LAMB2: variants seen among roughly 807,000 people sequenced by gnomAD.
The protein encoded by LAMB2 is laminin subunit beta 2.
A neutral mutation model predicts 202.7 loss-of-function variants in LAMB2; 119 were observed. That is an observed-to-expected ratio of 0.59 (90% CI 0.51 to 0.68). The LOEUF (loss-of-function observed/expected upper bound fraction) is 0.68, where lower values mean the gene tolerates loss of function less well. Ranked by LOEUF, LAMB2 falls within the 30% of genes least tolerant of loss-of-function variation. The pLI is 0.00. For synonymous variants in LAMB2, 818 were observed against 902.2 expected (o/e 0.91, Z 1.67); for missense variants, 2,124 against 2,410.6 (o/e 0.88, Z 2.49).
chr3:49,132,841 C>G lies in LAMB2; in HGVS notation c.27G>C (p.Gly9=). 1 of 1,614,168 alleles carries G rather than the reference C, an allele frequency of 6.2e-7. No individual in the cohort carries two copies. The highest frequency in any genetic ancestry group is 1.1e-5 in the South Asian group (1 of 91,088). Reference sequence around the variant, plus strand: ...GTTCCCAGGGCAGAGGCTGTCCCCTCCCTCTTTCCCTTGAGGTCAGCTCCA... The same window carrying G: ...GTTCCCAGGGCAGAGGCTGTCCCCTGCCTCTTTCCCTTGAGGTCAGCTCCA... MELTSRER[G]RGQPLPWELR... The change falls in exon 1 of 32, where the codon GGG becomes GGC. Residue 9 remains glycine (G), a synonymous_variant. Transcript: ENST00000305544. The surrounding 1 kb of genome is among the most constrained non-coding windows in gnomAD (Gnocchi z 4.6).
intron 18 of LAMB2, 74 bp downstream of exon 18, chr3:49,125,673 G>T: frequency 6.3e-7 from 1 of 1,577,374 alleles, no homozygotes; most frequent in Non-Finnish European, 8.6e-7. Flanking sequence ...CCAGCAGCAG[G>T]TCCAGAAGGA....
Position 49,129,423 on chromosome 3 carries a change from T to A in LAMB2, c.1519-99A>T. 8.3e-7 allele frequency: 1 copy of A among 1,207,148 alleles called. No homozygotes were observed. The highest frequency in any genetic ancestry group is 1.3e-5 in the South Asian group (1 of 77,746). 74.8% of individuals were successfully genotyped at this position (1,207,148 alleles called of 1,614,324 possible). The stretch of plus-strand genomic sequence containing the variant: ...CACACGTCTTAGCCTCAATCACCCC[T>A]CAGTGAAAACATGCCCCCCAGACCA... On this transcript the variant is annotated intron_variant, in intron 11 of 31. Transcript: ENST00000305544. This position sits in a 1 kb window ranked among gnomAD's most constrained non-coding sequence, Gnocchi z 6.1.
rs547577165 is a variant in LAMB2, at chr3:49,121,115, G to A, written c.*111C>T. Reference sequence around the variant, plus strand: ...CAAATCAGAGTCCAGACAACACAGTGGGGGTTCACACTGGTTTATTGGGGG... The same window carrying A: ...CAAATCAGAGTCCAGACAACACAGTAGGGGTTCACACTGGTTTATTGGGGG... On this transcript the variant is annotated 3_prime_UTR_variant, in exon 32 of 32. Coordinates refer to ENST00000305544, the MANE Select transcript of LAMB2 (RefSeq NM_002292.4). 3.8e-6 allele frequency: 5 copies of A among 1,304,348 alleles called. No individual in the cohort carries two copies. The highest frequency in any genetic ancestry group is 5.4e-6 in the Non-Finnish European group (5 of 930,446). The allele number at this position is 1,304,348 out of a possible 1,614,324, so 80.8% of individuals were successfully genotyped here. A position where few individuals can be genotyped will look rare whatever the true frequency, so the allele number is the denominator to read the frequency against.
chr3:49,128,696 T>C lies in LAMB2; in HGVS notation c.1855A>G (p.Met619Val), dbSNP rs367670275. 13 of 1,614,058 alleles carry C rather than the reference T, an allele frequency of 8.1e-6. No homozygotes were observed. In the African/African-American group the frequency reaches 1.7e-4, roughly 22 times the overall value. Residue 619 changes from methionine to valine, a missense_variant, in exon 14 of 32, where the codon ATG becomes GTG. Met to Val is a conservative substitution (Grantham distance 21). This residue lies in a region of LAMB2 where 1,702 missense variants were observed against 1,896.3 expected (regional missense o/e 0.90). Coordinates refer to ENST00000305544, the MANE Select transcript of LAMB2 (RefSeq NM_002292.4). ...AAGCGCAGCAGCAGGTCATAGTCCA[T>C]AGCCTTCGGCACAGAGGCCACCAGG... ...EFLVASVPKA[M>V]DYDLLLRLEP... is the part of the protein sequence containing the mutation.
Position 49,122,032 on chromosome 3 carries a change from T to G in LAMB2, c.4835A>C (p.Glu1612Ala), listed in dbSNP as rs912058337. The change falls in exon 29 of 32, where the codon GAG (glutamate) becomes GCG (alanine). Residue 1612 changes from glutamate to alanine, a missense_variant. Coordinates refer to ENST00000305544, the MANE Select transcript of LAMB2 (RefSeq NM_002292.4). ...AATACCCTGTGCCCGCTGGGCCTCC[T>G]CCAGTGCTGCCTGTACTGTCTCTGC... is the stretch of plus-strand genomic sequence containing the variant. ...QKAETVQAAL[E>A]EAQRAQGIAQ... The G allele has an allele frequency of 6.2e-7, 1 of 1,613,756 alleles. No individual in the cohort carries two copies. The highest frequency in any genetic ancestry group is 1.6e-4 in the Middle Eastern group (1 of 6,062).
In LAMB2 at chr3:49,121,761, C is replaced by T. The variant is rs2045266657; in HGVS notation, c.5023G>A (p.Ala1675Thr). ...ALLEALKLKR[A>T]GNSLAASTAE... The stretch of plus-strand genomic sequence containing the variant: ...GTAGAGGCTGCCAGACTATTTCCTG[C>T]CCGTTTCAATTTCAGAGCCTCCAGG... The change falls in exon 30 of 32, where the codon GCA becomes ACA. Residue 1675 changes from alanine (A) to threonine (T), a missense_variant. Ala to Thr is a moderately conservative substitution (Grantham distance 58). Around this residue, in one of 3 missense-constraint regions of LAMB2, gnomAD observed 1,702 missense variants for 1,896.3 expected, o/e 0.90. Coordinates refer to ENST00000305544, the MANE Select transcript of LAMB2 (RefSeq NM_002292.4). 2 of 1,613,716 alleles carry T rather than the reference C, an allele frequency of 1.2e-6. No homozygotes were observed. The highest frequency in any genetic ancestry group is 2.2e-5 in the East Asian group (1 of 44,874).
rs1271985841 is a variant in LAMB2 at position 49,121,841 on chromosome 3, C to T, written c.4943G>A (p.Gly1648Asp). 1 of 1,613,136 alleles carries T rather than the reference C, an allele frequency of 6.2e-7. No homozygotes were observed. Among genetic ancestry groups the T allele is most frequent in the Admixed American group, 1.7e-5 (1 of 60,034 alleles). ...TLYQVQERMA[G>D]AERALSSAGE... ...TGCAGAGCTCAGTGCCCGCTCTGCA[C>T]CTGCCATCCTCTCCTGTACCTGCCA... Residue 1648 changes from glycine to aspartate, a missense_variant, in exon 30 of 32, where the codon GGT becomes GAT. Physicochemically the swap from Gly to Asp is moderately conservative, Grantham distance 94. Coordinates refer to ENST00000305544, the MANE Select transcript of LAMB2 (RefSeq NM_002292.4).
In LAMB2 at chr3:49,133,032, G is replaced by A. The variant is rs2045499084; in HGVS notation, c.-165C>T. The A allele has an allele frequency of 7.8e-6, 5 of 639,444 alleles. No individual in the cohort carries two copies. Among genetic ancestry groups the A allele is most frequent in the Non-Finnish European group, 1.4e-5 (5 of 359,402 alleles). 39.6% of individuals were successfully genotyped at this position (639,444 alleles called of 1,614,324 possible). On this transcript the variant is annotated 5_prime_UTR_variant, in exon 1 of 32. Coordinates refer to ENST00000305544, the MANE Select transcript of LAMB2 (RefSeq NM_002292.4). ...GTCCAGCGGTCCCTCCGACAGCTTA[G>A]AGTCCAGCGACTTTGAGCAAAGTTG... is the stretch of plus-strand genomic sequence containing the variant.
chr3:49,132,286 C>A lies in LAMB2; in HGVS notation c.369G>T (p.Trp123Cys). The A allele has an allele frequency of 6.2e-7, 1 of 1,614,244 alleles. No homozygotes were observed. Among genetic ancestry groups the A allele is most frequent in the Non-Finnish European group, 8.5e-7 (1 of 1,180,056 alleles). Reference protein sequence around the residue: ...TSFAPQRRAAWWQSENGIPAV... With the variant: ...TSFAPQRRAACWQSENGIPAV... Reference sequence around the variant, plus strand: ...TGGCCTCACCATTCTCTGACTGCCACCAGGCTGCCCGCCGCTGTGGTGCAA... The same window carrying A: ...TGGCCTCACCATTCTCTGACTGCCAACAGGCTGCCCGCCGCTGTGGTGCAA... Residue 123 changes from tryptophan to cysteine, a missense_variant, in exon 3 of 32, where the codon TGG becomes TGT. By Grantham distance (215) the Trp-to-Cys change is radical. Around this residue, in one of 3 missense-constraint regions of LAMB2, gnomAD observed 166 missense variants for 158.2 expected, o/e 1.05. Transcript: ENST00000305544. The surrounding 1 kb of genome is among the most constrained non-coding windows in gnomAD (Gnocchi z 4.6).
At position 49,126,166 on chromosome 3, in the gene LAMB2, G is replaced by A; in HGVS notation, c.2152-7C>T. ...CACGGGGCAGCAGCACCAGCTGAAG[G>A]AGTGAGCAAGGAAGATCGCAGTTCA... On this transcript the variant is annotated splice_polypyrimidine_tract_variant and splice_region_variant and intron_variant, in intron 16 of 31. Coordinates refer to ENST00000305544, the MANE Select transcript of LAMB2 (RefSeq NM_002292.4). 1 of 1,611,596 alleles carries A rather than the reference G, an allele frequency of 6.2e-7. No individual in the cohort carries two copies. Among genetic ancestry groups the A allele is most frequent in the South Asian group, 1.1e-5 (1 of 91,056 alleles).
chr3:49,128,747 G>A lies in LAMB2; in HGVS notation c.1804C>T (p.Leu602=). 6.2e-7 allele frequency: 1 copy of A among 1,614,160 alleles called. No individual in the cohort carries two copies. The highest frequency in any genetic ancestry group is 8.5e-7 in the Non-Finnish European group (1 of 1,180,040). ...PSWTGSGFVR[L]QEGQTLEFLV... ...AACTCCAGGGTCTGACCTTCCTGTA[G>A]CCGCACGAAGCCTGAGCCAGTCCAG... Residue 602 remains leucine, a synonymous_variant, in exon 14 of 32, where the codon CTA becomes TTA. Coordinates refer to ENST00000305544, the MANE Select transcript of LAMB2 (RefSeq NM_002292.4).
chr3:49,121,445 G>A lies in LAMB2; in HGVS notation c.5248C>T (p.Gln1750Ter). The A allele has an allele frequency of 6.2e-7, 1 of 1,614,060 alleles. No homozygotes were observed. The highest frequency in any genetic ancestry group is 8.5e-7 in the Non-Finnish European group (1 of 1,180,038). Reference sequence around the variant, plus strand: ...CCCCATTTCTTACCCTGTAGCCGCTGCAGCTTGTCCTGAGCGGCTTGCAAC... The same window carrying A: ...CCCCATTTCTTACCCTGTAGCCGCTACAGCTTGTCCTGAGCGGCTTGCAAC... ...DLLQAAQDKL[Q>*]RLQELEGTYE... The change falls in exon 31 of 32, where the codon CAG becomes TAG. Residue 1750 changes from glutamine (Q) to a stop codon, truncating the protein, a stop_gained. Coordinates refer to ENST00000305544, the MANE Select transcript of LAMB2 (RefSeq NM_002292.4). LOFTEE classifies it high-confidence loss of function.
chr3:49,130,299 C>A lies in LAMB2; in HGVS notation c.1157G>T (p.Cys386Phe). 6.2e-7 allele frequency: 1 copy of A among 1,614,230 alleles called. No individual in the cohort carries two copies. Among genetic ancestry groups the A allele is most frequent in the Non-Finnish European group, 8.5e-7 (1 of 1,180,048 alleles). Residue 386 changes from cysteine (C) to phenylalanine (F), a missense_variant, in exon 9 of 32, where the codon TGT becomes TTT. Physicochemically the swap from Cys to Phe is radical, Grantham distance 205. Around this residue, in one of 3 missense-constraint regions of LAMB2, gnomAD observed 1,702 missense variants for 1,896.3 expected, o/e 0.90. Transcript: ENST00000305544. The surrounding 1 kb of genome is among the most constrained non-coding windows in gnomAD (Gnocchi z 5.0). ...GCQHNTAGRH[C>F]ELCRPFFYRD... The stretch of plus-strand genomic sequence containing the variant: ...GTAGAAGAAGGGCCGACAGAGCTCA[C>A]AGTGGCGCCCAGCTGTGTTATGCTG...
In LAMB2 at chr3:49,129,623, C is replaced by T. The variant is rs759499306; in HGVS notation, c.1499G>A (p.Arg500His). The change falls in exon 11 of 32, where the codon CGT (arginine) becomes CAT (histidine). Residue 500 changes from arginine (R) to histidine (H), a missense_variant. Physicochemically the swap from Arg to His is conservative, Grantham distance 29. Coordinates refer to ENST00000305544, the MANE Select transcript of LAMB2 (RefSeq NM_002292.4). The surrounding 1 kb of genome is among the most constrained non-coding windows in gnomAD (Gnocchi z 6.1). ...SCYCKRLVTG[R>H]GCDRCLPGHW... ...TCGCACCAGGCAGCGGTCACATCCACGTCCAGTCACTAGACGTTTGCAGTA... is the reference window on the plus strand; with the variant it reads ...TCGCACCAGGCAGCGGTCACATCCATGTCCAGTCACTAGACGTTTGCAGTA... 1.3e-5 allele frequency: 21 copies of T among 1,613,900 alleles called. No homozygotes were observed. The highest frequency in any genetic ancestry group is 1.5e-5 in the Non-Finnish European group (18 of 1,179,768).
In LAMB2 at chr3:49,132,475, C is replaced by T; in HGVS notation, c.249+16G>A. 3 of 1,614,098 alleles carry T rather than the reference C, an allele frequency of 1.9e-6. No individual in the cohort carries two copies. The South Asian group carries it at 3.3e-5, about 18-fold the overall frequency. On this transcript the variant is annotated intron_variant, in intron 2 of 31. Transcript: ENST00000305544. The surrounding 1 kb of genome is among the most constrained non-coding windows in gnomAD (Gnocchi z 4.6). ...CCCCACCCTGACTCGGCGTCACACCCTGTCCCCAGCCACACCTGCAGGTGA... is the reference window on the plus strand; with the variant it reads ...CCCCACCCTGACTCGGCGTCACACCTTGTCCCCAGCCACACCTGCAGGTGA...
rs7426606 is a variant in LAMB2 at position 49,132,167 on chromosome 3, C to T, written c.408G>A (p.Gln136=). 2 of 1,614,180 alleles carry T rather than the reference C, an allele frequency of 1.2e-6. No individual in the cohort carries two copies. Among genetic ancestry groups the T allele is most frequent in the Non-Finnish European group, 1.7e-6 (2 of 1,180,032 alleles). Residue 136 remains glutamine, a synonymous_variant, in exon 4 of 32, where the codon CAG becomes CAA. Coordinates refer to ENST00000305544, the MANE Select transcript of LAMB2 (RefSeq NM_002292.4). The surrounding 1 kb of genome is among the most constrained non-coding windows in gnomAD (Gnocchi z 4.6). The part of the protein sequence containing the change: ...SENGIPAVTI[Q]LDLEAEFHFT... ...AATGAAACTCAGCCTCCAGGTCCAG[C>T]TGGATGGTGACCGCAGGGATACCTG...
rs150234642 is a variant in LAMB2 at position 49,124,421 on chromosome 3, G to A, written c.3301C>T (p.Arg1101Trp). The change falls in exon 22 of 32, where the codon CGG becomes TGG. Residue 1101 changes from arginine to tryptophan, a missense_variant. Physicochemically the swap from Arg to Trp is moderately radical, Grantham distance 101. Around this residue, in one of 3 missense-constraint regions of LAMB2, gnomAD observed 1,702 missense variants for 1,896.3 expected, o/e 0.90. Transcript: ENST00000305544. ...TCGTTGCAGGTGGGGCCTCTGGCCC[G>A]GCTTGGGTGGCAGGCACAAGGCTGG... ...GCQPCACHPSRARGPTCNEFT... is the reference protein window; with the variant it reads ...GCQPCACHPSWARGPTCNEFT... The A allele has an allele frequency of 1.8e-5, 29 of 1,613,506 alleles. No homozygotes were observed. Among genetic ancestry groups the A allele is most frequent in the East Asian group, 2.2e-5 (1 of 44,892 alleles).
Position 49,123,436 on chromosome 3 carries a change from T to C in LAMB2, c.3982+11A>G. ...ACCCTGGTCCACCTGCCTAGTTGGC[T>C]AACAACTCACCCAGGAAGTTTGAAT... On this transcript the variant is annotated intron_variant, in intron 25 of 31. Transcript: ENST00000305544. 3 of 1,614,092 alleles carry C rather than the reference T, an allele frequency of 1.9e-6. No homozygotes were observed. Among genetic ancestry groups the C allele is most frequent in the South Asian group, 1.1e-5 (1 of 91,086 alleles).
At position 49,121,521 on chromosome 3, in the gene LAMB2, C is replaced by T; in HGVS notation, c.5172G>A (p.Val1724=). 1 of 1,614,122 alleles carries T rather than the reference C, an allele frequency of 6.2e-7. No homozygotes were observed. Among genetic ancestry groups the T allele is most frequent in the Non-Finnish European group, 8.5e-7 (1 of 1,180,042 alleles). The change falls in exon 31 of 32, where the codon GTG becomes GTA. Residue 1724 remains valine, a synonymous_variant. Coordinates refer to ENST00000305544, the MANE Select transcript of LAMB2 (RefSeq NM_002292.4). ...KALAERKAQG[V]LAAQARAEQL... ...GTTCTGCCCTTGCCTGTGCAGCCAG[C>T]ACACCTTGGGCCTTGCGCTCAGCTA...
Sources: allele counts gnomAD v4.1 joint callset, GRCh38; gene constraint gnomAD v4.1.1; regional missense constraint gnomAD v4.1.1; non-coding constraint Gnocchi (gnomAD v3.1); transcripts MANE v1.5; gene names NCBI Gene and HGNC (gene_info 2026-07-23, HGNC 2026-07-21).